DOCK5: variants seen among roughly 807,000 people sequenced by gnomAD.
The protein encoded by DOCK5 is dedicator of cytokinesis protein 5.
A neutral mutation model predicts 251.8 loss-of-function variants in DOCK5; 142 were observed. The ratio of observed to expected loss-of-function variants is 0.56; its 90% confidence interval spans 0.49 to 0.65. The LOEUF is 0.65. DOCK5 is among the 30% of genes least tolerant of loss of function. The pLI is 0.00. For synonymous variants in DOCK5, 842 were observed against 835.5 expected, an observed-to-expected ratio of 1.01 and a Z score of -0.13; for missense variants, 2,111 against 2,312.3, an observed-to-expected ratio of 0.91 and a Z score of 1.79.
At chr8:25,297,157 C>T (rs7814402) in intron 7 of DOCK5, among the ~76,000 whole-genome samples, 2,733 of 152,116 alleles carry the variant, frequency 0.018, 78 homozygotes, top group African/African-American at 0.058. Context: ...TGCAGTGGTG[C>T]AGTCTCAGCT....
At chr8:25,337,970 G>A (rs1274478157) in intron 22 of DOCK5, among the ~76,000 whole-genome samples, 1 of 152,124 alleles carries the variant, frequency 6.6e-6, no homozygotes, top group Admixed American at 6.5e-5. Flanking sequence ...TTTGAAATAT[G>A]TATAGTAAAG....
chr8:25,342,602 A>C, intron 25 of DOCK5, 95 bp downstream of exon 25: 4 of 872,248 alleles, frequency 4.6e-6, no homozygotes, highest in Non-Finnish European at 6.9e-6. Context: ...ACTCCATCTC[A>C]AAAAGCTAAA....
At chr8:25,361,564 A>C (rs1170060690) in intron 28 of DOCK5, among the ~76,000 whole-genome samples, 2 of 152,180 alleles carry the variant, frequency 1.3e-5, no homozygotes, top group Admixed American at 1.3e-4. Context: ...CAGTAAGTCG[A>C]GATTGTGCCG....
chr8:25,209,077 C>A (rs1802069566), intron 1 of DOCK5, among the ~76,000 whole-genome samples: 1 of 152,120 alleles, frequency 6.6e-6, no homozygotes, highest in Non-Finnish European at 1.5e-5. Context: ...AAAATGAGTT[C>A]TTTATCTGCT....
In DOCK5 at chr8:25,394,310, G is replaced by C. The variant is rs559662378; in HGVS notation, c.4528-1233G>C. On this transcript the variant is annotated intron_variant, in intron 44 of 51. Transcript: ENST00000276440. ...TTTTGGAATCAAGTCTGGAATAGGAGGTCATGTTGACTGATAATGGGTAAA... is the reference window on the plus strand; with the variant it reads ...TTTTGGAATCAAGTCTGGAATAGGACGTCATGTTGACTGATAATGGGTAAA... Among the ~76,000 whole-genome samples, 152 of 152,032 alleles carry C rather than the reference G, an allele frequency of 1.0e-3. 2 individuals carry two copies. In the South Asian group the frequency reaches 0.031, roughly 31 times the overall value.
At chr8:25,276,136 A>G (rs1804039261) in intron 4 of DOCK5, among the ~76,000 whole-genome samples, 1 of 152,182 alleles carries the variant, frequency 6.6e-6, no homozygotes, top group Non-Finnish European at 1.5e-5. Flanking sequence ...CCCCCAATTC[A>G]GGATCCTTGA....
intron 22 of DOCK5, among the ~76,000 whole-genome samples, chr8:25,336,592 C>A (rs753863000): frequency 3.3e-5 from 5 of 152,138 alleles, no homozygotes; most frequent in Non-Finnish European, 7.4e-5. Flanking sequence ...GCAGTAATGA[C>A]CTCAGGACTT....
In DOCK5 at chr8:25,410,222, C is replaced by A; in HGVS notation, c.5508+20C>A. 4 of 1,605,770 alleles carry A rather than the reference C, an allele frequency of 2.5e-6. No individual in the cohort carries two copies. Among genetic ancestry groups the A allele is most frequent in the Non-Finnish European group, 3.4e-6 (4 of 1,173,644 alleles). On this transcript the variant is annotated intron_variant, in intron 51 of 51. Transcript: ENST00000276440. Reference sequence around the variant, plus strand: ...ACTGAGGTAGGGAAATCACAGCTGGCAACTGTGGCCAGGGAGCGCCACTCC... The same window carrying A: ...ACTGAGGTAGGGAAATCACAGCTGGAAACTGTGGCCAGGGAGCGCCACTCC...
chr8:25,228,871 CT>C (rs967298997), intron 1 of DOCK5, among the ~76,000 whole-genome samples: 8 of 152,046 alleles, frequency 5.3e-5, no homozygotes, highest in African/African-American at 1.9e-4. Flanking sequence ...CGTAAGATTA[CT>C]TTTTTTCCTA....
intron 5 of DOCK5, among the ~76,000 whole-genome samples, chr8:25,280,942 A>ATGCAT (rs1563336260): frequency 6.6e-6 from 1 of 151,188 alleles, no homozygotes; most frequent in Non-Finnish European, 1.5e-5. Context: ...GAGTGTTGAA[A>ATGCAT]TGCATTAGAT....
At chr8:25,262,192 T>TCACTGGCTTCCCAAGAGAAG (rs1803606260) in intron 2 of DOCK5, among the ~76,000 whole-genome samples, 1 of 152,200 alleles carries the variant, frequency 6.6e-6, no homozygotes, top group Non-Finnish European at 1.5e-5. Flanking sequence ...TTCCAGTTGC[T>TCACTGGCTTCCCAAGAGAAG]CCATCTCCTT....
chr8:25,270,400 T>A (rs1803875529), intron 3 of DOCK5, among the ~76,000 whole-genome samples: 1 of 152,212 alleles, frequency 6.6e-6, no homozygotes, highest in Admixed American at 6.5e-5. Flanking sequence ...TCTTGCTTTT[T>A]TAGCCCTATT....
intron 2 of DOCK5, among the ~76,000 whole-genome samples, chr8:25,250,576 A>G (rs1243055763): frequency 6.6e-6 from 1 of 152,180 alleles, no homozygotes; most frequent in Non-Finnish European, 1.5e-5. Flanking sequence ...TCATTTATTC[A>G]TTCAACATTA....
At chr8:25,280,044 C>T (rs1050964795) in intron 5 of DOCK5, among the ~76,000 whole-genome samples, 1 of 152,212 alleles carries the variant, frequency 6.6e-6, no homozygotes, top group Non-Finnish European at 1.5e-5. Context: ...GGATTACGGG[C>T]GTGAGCCACT....
chr8:25,285,850 C>A (rs1804318263), intron 5 of DOCK5, among the ~76,000 whole-genome samples: 1 of 152,180 alleles, frequency 6.6e-6, no homozygotes, highest in South Asian at 2.1e-4. Flanking sequence ...GCAAGCCCTG[C>A]TTCAGTGTGG....
At chr8:25,331,058 G>C (rs1805670138) in intron 18 of DOCK5, among the ~76,000 whole-genome samples, 1 of 152,082 alleles carries the variant, frequency 6.6e-6, no homozygotes, top group African/African-American at 2.4e-5. Context: ...ACCACTGCAT[G>C]AGATTGCACT....
chr8:25,388,926 G>T, intron 40 of DOCK5, 165 bp from the exon 41 acceptor site: 1 of 628,550 alleles, frequency 1.6e-6, no homozygotes, highest in Non-Finnish European at 2.7e-6. Context: ...AGCTCTTGTA[G>T]GATATGATGG....
intron 5 of DOCK5, among the ~76,000 whole-genome samples, chr8:25,286,837 AT>A (rs1255761430): frequency 6.6e-6 from 1 of 151,758 alleles, no homozygotes; most frequent in Non-Finnish European, 1.5e-5. Flanking sequence ...CTAATTTTTT[AT>A]TTTTTGTAGA....
chr8:25,407,053 C>T (rs1489451306), intron 48 of DOCK5, among the ~76,000 whole-genome samples: 6 of 152,082 alleles, frequency 3.9e-5, no homozygotes, highest in Non-Finnish European at 7.4e-5. Context: ...TCTTTCTAAA[C>T]AATTAACCAT....
Sources: gnomAD v4.1 joint callset for allele counts (sites outside exome capture counted in the v4.1 genomes callset) on GRCh38, gnomAD v4.1.1 for gene constraint, MANE v1.5 for transcripts, NCBI Gene and HGNC (gene_info 2026-07-23, HGNC 2026-07-21) for gene names.